TENM2: variants seen among roughly 807,000 people sequenced by gnomAD.
The protein encoded by TENM2 is teneurin transmembrane protein 2, also known as teneurin-2.
Under a neutral mutation model 245.2 loss-of-function variants are expected in TENM2, and 52 were observed. That is an observed-to-expected ratio of 0.21 (90% CI 0.17 to 0.27). The LOEUF (loss-of-function observed/expected upper bound fraction) is 0.27. Ranked by LOEUF, TENM2 falls within the 10% of genes least tolerant of loss-of-function variation. TENM2 has a pLI of 1.00. For synonymous variants in TENM2, 1,363 were observed against 1,438.9 expected, an observed-to-expected ratio of 0.95 and a Z score of 1.19; for missense variants, 3,046 against 3,666.8, an observed-to-expected ratio of 0.83 and a Z score of 4.37.
chr5:167,792,077 A>T (rs1341031674), intron 2 of TENM2, among the ~76,000 whole-genome samples: 1 of 152,196 alleles, frequency 6.6e-6, no homozygotes, highest in South Asian at 2.1e-4. Context: ...GCTTCTATCA[A>T]AAGTGGACAA....
intron 3 of TENM2, among the ~76,000 whole-genome samples, chr5:167,879,976 A>C (rs1418159063): frequency 6.6e-6 from 1 of 152,210 alleles, no homozygotes; most frequent in Non-Finnish European, 1.5e-5. Context: ...TCATAAAACA[A>C]ATGAGATTCA....
intron 7 of TENM2, among the ~76,000 whole-genome samples, chr5:168,087,754 T>G (rs1479874705): frequency 6.6e-6 from 1 of 152,148 alleles, no homozygotes; most frequent in Non-Finnish European, 1.5e-5. Context: ...TTTATGTTCT[T>G]AGTAGAAAGA....
At chr5:167,352,903 C>T (rs1561885893) in intron 1 of TENM2, among the ~76,000 whole-genome samples, 1 of 152,088 alleles carries the variant, frequency 6.6e-6, no homozygotes, top group Non-Finnish European at 1.5e-5. Context: ...TTAAAGTCTC[C>T]CTGTCTCCAG....
At chr5:167,117,428 G>C in the TENM2 span, among the ~76,000 whole-genome samples, 1 of 152,122 alleles carries the variant, frequency 6.6e-6, no homozygotes, top group East Asian at 1.9e-4. Context: ...GCGTGAACCC[G>C]GGAGGTGGAG....
chr5:167,278,542 AC>A, the TENM2 span, among the ~76,000 whole-genome samples: 2 of 151,992 alleles, frequency 1.3e-5, no homozygotes, highest in African/African-American at 4.8e-5. Context: ...GGGTTACTGA[AC>A]GGTTTATAGG....
intron 2 of TENM2, among the ~76,000 whole-genome samples, chr5:167,869,008 C>G (rs1245213476): frequency 2.0e-5 from 3 of 152,136 alleles, no homozygotes; most frequent in Admixed American, 2.0e-4. Context: ...TTAATATCAT[C>G]AGAGAGGCTC....
At chr5:167,879,998 CT>C (rs1411110553) in intron 3 of TENM2, among the ~76,000 whole-genome samples, 2 of 152,074 alleles carry the variant, frequency 1.3e-5, no homozygotes, top group African/African-American at 4.8e-5. Flanking sequence ...TCATTCATTC[CT>C]TTTTTGCACC....
intron 1 of TENM2, among the ~76,000 whole-genome samples, chr5:167,361,273 AGT>A (rs1415231062): frequency 6.6e-6 from 1 of 152,186 alleles, no homozygotes; most frequent in Non-Finnish European, 1.5e-5. Flanking sequence ...GTAATTAACG[AGT>A]GTTAATATTT....
chr5:167,974,519 G>C (rs1158356982), intron 4 of TENM2, among the ~76,000 whole-genome samples: 2 of 151,526 alleles, frequency 1.3e-5, no homozygotes, highest in Non-Finnish European at 2.9e-5. Context: ...GGGATTCATT[G>C]ATAATTATCT....
chr5:167,609,620 C>G (rs1777335302), intron 2 of TENM2, among the ~76,000 whole-genome samples: 1 of 150,848 alleles, frequency 6.6e-6, no homozygotes, highest in African/African-American at 2.4e-5. Flanking sequence ...AAGACTAAAT[C>G]ATGGTTTGAG....
chr5:168,070,702 T>C (rs7718009), intron 7 of TENM2, among the ~76,000 whole-genome samples: 1,561 of 150,606 alleles, frequency 0.01, 29 homozygotes, highest in African/African-American at 0.035. Context: ...GATGGGAGGA[T>C]TGCTTGAGCC....
At chr5:167,392,908 G>A (rs1561919361) in intron 2 of TENM2, among the ~76,000 whole-genome samples, 1 of 152,076 alleles carries the variant, frequency 6.6e-6, no homozygotes, top group Admixed American at 6.6e-5. Flanking sequence ...TGGATCAGGA[G>A]GTCAGGAGTT....
chr5:168,247,214 C>T lies in TENM2; in HGVS notation c.6275C>T (p.Thr2092Ile). 1 of 1,613,918 alleles carries T rather than the reference C, an allele frequency of 6.2e-7. No individual in the cohort carries two copies. The highest frequency in any genetic ancestry group is 1.1e-5 in the South Asian group (1 of 91,074). The change falls in exon 27 of 29, where the codon ACC becomes ATC. Residue 2092 changes from threonine (T) to isoleucine (I), a missense_variant. By Grantham distance (89) the Thr-to-Ile change is moderately conservative. Coordinates refer to ENST00000518659, the Ensembl canonical transcript of TENM2. The surrounding 1 kb of genome is among the most constrained non-coding windows in gnomAD (Gnocchi z 7.8). ...ATGGTCAATGCCAGGTTTGACTACA[C>T]CTATCATGACAACAGCTTCCGCATC...
chr5:168,008,323 A>G (rs1784980480), intron 5 of TENM2, among the ~76,000 whole-genome samples: 1 of 152,232 alleles, frequency 6.6e-6, no homozygotes, highest in African/African-American at 2.4e-5. Context: ...AAAACAGTGG[A>G]GCAAGACCAG....
chr5:168,055,909 G>GCCT (rs750285485), intron 6 of TENM2, among the ~76,000 whole-genome samples: 8 of 152,162 alleles, frequency 5.3e-5, no homozygotes, highest in Non-Finnish European at 1.2e-4. Flanking sequence ...GGGCAACATT[G>GCCT]CCTCCTTAAG....
chr5:168,181,480 CTCTCTGCCAGA>C (rs997699015), intron 13 of TENM2, among the ~76,000 whole-genome samples: 4 of 152,100 alleles, frequency 2.6e-5, no homozygotes, highest in Non-Finnish European at 4.4e-5. Context: ...CTGGGGCCTC[CTCTCTGCCAGA>C]TCTCTGGTCA....
At chr5:168,027,562 A>G (rs1456621631) in intron 5 of TENM2, among the ~76,000 whole-genome samples, 2 of 152,138 alleles carry the variant, frequency 1.3e-5, no homozygotes, top group African/African-American at 4.8e-5. Context: ...TTCTGGTGCC[A>G]TGTTCTGGGC....
intron 27 of TENM2, among the ~76,000 whole-genome samples, chr5:168,251,799 C>A (rs916102275): frequency 6.6e-6 from 1 of 152,206 alleles, no homozygotes. Context: ...GGAGACAGAA[C>A]TCTCTGAATG....
rs1772673753 is a variant in TENM2 at position 167,547,931 on chromosome 5, A to G, written c.502+172458A>G. ...TAAGATCATTTACACCAAATCAGAA[A>G]CATAAATATAATCCATCAGGGCACT... On this transcript the variant is annotated intron_variant, in intron 2 of 28. Transcript: ENST00000518659. 2.0e-5 allele frequency among the ~76,000 whole-genome samples: 3 copies of G among 152,232 alleles called. No homozygotes were observed. In the South Asian group the frequency reaches 6.2e-4, roughly 31 times the overall value.
Sources: gnomAD v4.1 joint callset for allele counts (sites outside exome capture counted in the v4.1 genomes callset) on GRCh38, gnomAD v4.1.1 for gene constraint, Gnocchi (gnomAD v3.1) non-coding constraint, MANE v1.5 for transcripts, NCBI Gene and HGNC (gene_info 2026-07-23, HGNC 2026-07-21) for gene names.